IRAG1: variants seen among roughly 807,000 people sequenced by gnomAD.
IRAG1 encodes the protein IP3R-associated cGMP kinase substrate.
IRAG1 carries 62 observed loss-of-function variants against 106.2 expected under a neutral mutation model. The observed-to-expected ratio is 0.58, with a 90% CI of 0.48 to 0.72. The LOEUF (loss-of-function observed/expected upper bound fraction) is 0.72. Ranked by LOEUF, IRAG1 falls within the 30% of genes least tolerant of loss-of-function variation. IRAG1 has a pLI of 0.00. For missense variants in IRAG1, 1,064 were observed against 1,140.7 expected (o/e 0.93, Z 0.97); for synonymous variants, 462 against 443.9 (o/e 1.04, Z -0.51).
chr11:10,692,885 G>A (rs918653160), intron 1 of IRAG1, among the ~76,000 whole-genome samples: 6 of 152,316 alleles, frequency 3.9e-5, no homozygotes, highest in South Asian at 2.1e-4. Context: ...TCTAGGAATC[G>A]CTTCAACTCG....
At chr11:10,595,536 A>G (rs933716574) in intron 15 of IRAG1, among the ~76,000 whole-genome samples, 11 of 152,016 alleles carry the variant, frequency 7.2e-5, no homozygotes, top group African/African-American at 2.4e-4. Context: ...CCTCTTAATT[A>G]TATTGCTTTC....
intron 1 of IRAG1, among the ~76,000 whole-genome samples, chr11:10,671,627 G>A (rs574339375): frequency 6.6e-6 from 1 of 152,040 alleles, no homozygotes; most frequent in African/African-American, 2.4e-5. Context: ...CATGAGAATC[G>A]CTTGAACCCA....
At chr11:10,685,968 C>A (rs1056553230) in intron 1 of IRAG1, among the ~76,000 whole-genome samples, 5 of 152,016 alleles carry the variant, frequency 3.3e-5, no homozygotes, top group Non-Finnish European at 7.4e-5. Flanking sequence ...ACAACGGGGA[C>A]CAGTTAGATC....
chr11:10,676,365 G>A (rs1187204124), intron 1 of IRAG1, among the ~76,000 whole-genome samples: 1 of 152,216 alleles, frequency 6.6e-6, no homozygotes, highest in East Asian at 1.9e-4. Flanking sequence ...CGCCCATGCG[G>A]TCCCCAGTCC....
chr11:10,687,580 C>A (rs1470791994), intron 1 of IRAG1: 7 of 995,556 alleles, frequency 7.0e-6, no homozygotes, highest in Non-Finnish European at 9.0e-6. Context: ...GAATTCCCAA[C>A]AAGCCTTAAA....
chr11:10,675,324 G>A (rs1860568244), intron 1 of IRAG1, among the ~76,000 whole-genome samples: 1 of 152,112 alleles, frequency 6.6e-6, no homozygotes, highest in South Asian at 2.1e-4. Flanking sequence ...TGGTTCCGTT[G>A]GCTCCTGCCC....
intron 2 of IRAG1, among the ~76,000 whole-genome samples, chr11:10,635,587 G>T (rs552584867): frequency 1.4e-4 from 22 of 152,340 alleles, no homozygotes; most frequent in African/African-American, 5.0e-4. Context: ...CAGTGTGCAG[G>T]TGTTGGTTCC....
At chr11:10,681,253 G>A (rs1861232577) in intron 1 of IRAG1, among the ~76,000 whole-genome samples, 1 of 152,220 alleles carries the variant, frequency 6.6e-6, no homozygotes, top group Non-Finnish European at 1.5e-5. Flanking sequence ...TGAGGGCAGA[G>A]TGGCCAGGCT....
intron 3 of IRAG1, among the ~76,000 whole-genome samples, chr11:10,633,747 A>G (rs1053258859): frequency 2.6e-5 from 4 of 152,250 alleles, no homozygotes; most frequent in Non-Finnish European, 5.9e-5. Context: ...GAGCCGTCGC[A>G]GAGCCAAAAG....
chr11:10,617,240 C>A, intron 10 of IRAG1: 1 of 964,688 alleles, frequency 1.0e-6, no homozygotes, highest in South Asian at 4.8e-5. Flanking sequence ...CAAGAGCCAC[C>A]ATTTACTGAA....
intron 1 of IRAG1, among the ~76,000 whole-genome samples, chr11:10,675,781 C>T (rs1330864107): frequency 1.3e-5 from 2 of 152,196 alleles, no homozygotes; most frequent in Admixed American, 6.5e-5. Flanking sequence ...TCAGCGCCTT[C>T]CTAAGAGTGC....
chr11:10,643,143 C>T (rs1460826210), intron 2 of IRAG1, among the ~76,000 whole-genome samples: 1 of 144,044 alleles, frequency 6.9e-6, no homozygotes, highest in East Asian at 2.0e-4. Context: ...CACTGCACTC[C>T]TCCAGCCTGG....
chr11:10,603,982 A>C (rs758323732), intron 13 of IRAG1, among the ~76,000 whole-genome samples: 1 of 152,188 alleles, frequency 6.6e-6, no homozygotes, highest in Non-Finnish European at 1.5e-5. Context: ...ACAGCAATTC[A>C]AACTGACTAA....
At chr11:10,605,101 C>T (rs1192006945) in intron 12 of IRAG1, among the ~76,000 whole-genome samples, 2 of 152,184 alleles carry the variant, frequency 1.3e-5, no homozygotes, top group East Asian at 1.9e-4. Flanking sequence ...TGATTCTGTT[C>T]GGTTAAGCTT....
At chr11:10,586,255 T>C (rs1392126987) in intron 18 of IRAG1, 6 of 152,190 alleles carry the variant, frequency 3.9e-5, no homozygotes, top group Admixed American at 2.0e-4. Context: ...TGTTCTCTCC[T>C]GACCTCTAAA....
At chr11:10,598,730 AT>A (rs1331758857) in intron 15 of IRAG1, among the ~76,000 whole-genome samples, 1 of 152,240 alleles carries the variant, frequency 6.6e-6, no homozygotes, top group Non-Finnish European at 1.5e-5. Context: ...GCCTTAAAAA[AT>A]TTATTTCCCC....
At position 10,652,078 on chromosome 11, in the gene IRAG1, C is replaced by T. The variant is rs1471037592; in HGVS notation, c.172G>A (p.Glu58Lys). Residue 58 changes from glutamate (E) to lysine (K), a missense_variant, in exon 2 of 21, where the codon GAG (glutamate) becomes AAG (lysine). Glu to Lys is a moderately conservative substitution (Grantham distance 56). Coordinates refer to ENST00000423302, the MANE Select transcript of IRAG1 (RefSeq NM_130385.4). ...QQEAAMPHIP[E>K]DEEPPGEPQA... The stretch of plus-strand genomic sequence containing the variant: ...GGCTCTCCGGGGGGCTCCTCGTCCT[C>T]GGGAATGTGGGGCATGGCAGCCTCC... 29 of 1,602,216 alleles carry T rather than the reference C, an allele frequency of 1.8e-5. No homozygotes were observed. Among genetic ancestry groups the T allele is most frequent in the Admixed American group, 5.1e-5 (3 of 58,298 alleles).
chr11:10,602,041 ACAC>A (rs1380847455), intron 14 of IRAG1, among the ~76,000 whole-genome samples: 8 of 152,334 alleles, frequency 5.3e-5, no homozygotes, highest in Middle Eastern at 3.4e-3. Context: ...ACAGAGGGAC[ACAC>A]CCAGTGGCTT....
intron 1 of IRAG1, among the ~76,000 whole-genome samples, chr11:10,689,174 C>T (rs956485202): frequency 2.0e-5 from 3 of 151,022 alleles, no homozygotes; most frequent in African/African-American, 7.3e-5. Context: ...GGTTATTAAA[C>T]CTTAGCTAAG....
Sources: gnomAD v4.1 joint callset for allele counts (sites outside exome capture counted in the v4.1 genomes callset) on GRCh38, gnomAD v4.1.1 for gene constraint, MANE v1.5 for transcripts, NCBI Gene and HGNC (gene_info 2026-07-23, HGNC 2026-07-21) for gene names.